SEMA3C: variants seen among roughly 807,000 people sequenced by gnomAD.
SEMA3C encodes the protein semaphorin-3C.
A neutral mutation model predicts 89.4 loss-of-function variants in SEMA3C; 47 were observed. The ratio of observed to expected loss-of-function variants is 0.53; its 90% confidence interval spans 0.42 to 0.67. The LOEUF (loss-of-function observed/expected upper bound fraction) is 0.67. Ranked by LOEUF, SEMA3C falls within the 30% of genes least tolerant of loss-of-function variation. The pLI is 0.00. For missense variants in SEMA3C, 839 were observed against 929.1 expected, an observed-to-expected ratio of 0.90 and a Z score of 1.26; for synonymous variants, 310 against 320.2, an observed-to-expected ratio of 0.97 and a Z score of 0.34.
intron 2 of SEMA3C, among the ~76,000 whole-genome samples, chr7:80,837,715 T>C (rs577092675): frequency 7.9e-4 from 121 of 152,212 alleles, no homozygotes; most frequent in Non-Finnish European, 1.4e-3. Flanking sequence ...TGACCAATAG[T>C]TTTGATGTAA....
chr7:80,781,590 T>G (rs1314452267), intron 12 of SEMA3C, among the ~76,000 whole-genome samples: 4 of 152,166 alleles, frequency 2.6e-5, no homozygotes, highest in African/African-American at 4.8e-5. Context: ...GATATTCACA[T>G]AGGGAAGGCC....
rs563351873 is a variant in SEMA3C at position 80,832,594 on chromosome 7, T to C, written c.104-3849A>G. Among the ~76,000 whole-genome samples, 105 of 152,092 alleles carry C rather than the reference T, an allele frequency of 6.9e-4. 1 individual carries two copies. Among genetic ancestry groups the C allele is most frequent in the African/African-American group, 2.4e-3 (98 of 41,370 alleles). On this transcript the variant is annotated intron_variant, in intron 2 of 17. Transcript: ENST00000265361. ...CTGCACGGCTACTGAAAAAGGCTTA[T>C]TGAGTCTTAAAAACTGGCACACACA...
intron 2 of SEMA3C, among the ~76,000 whole-genome samples, chr7:80,895,950 C>T (rs1583988254): frequency 1.3e-5 from 2 of 152,046 alleles, no homozygotes; most frequent in African/African-American, 2.4e-5. Flanking sequence ...TTTGTAGTTG[C>T]TCCTTAATTT....
At chr7:80,764,616 G>C (rs1417330078) in intron 13 of SEMA3C, among the ~76,000 whole-genome samples, 1 of 151,778 alleles carries the variant, frequency 6.6e-6, no homozygotes, top group East Asian at 1.9e-4. Flanking sequence ...AGGACAAGGA[G>C]AATAATACAA....
Position 80,773,433 on chromosome 7 carries a change from A to G in SEMA3C, c.1355-8190T>C, listed in dbSNP as rs1158417224. On this transcript the variant is annotated intron_variant, in intron 12 of 17. Coordinates refer to ENST00000265361, the MANE Select transcript of SEMA3C (RefSeq NM_006379.5). ...TAATCAGGAAAATCTTCTGGAGGGC[A>G]ATATGACCATTAACCATGATGGAGT... Among the ~76,000 whole-genome samples, 5 of 152,226 alleles carry G rather than the reference A, an allele frequency of 3.3e-5. No homozygotes were observed. The East Asian group carries it at 9.6e-4, about 29-fold the overall frequency.
chr7:80,766,506 G>A (rs1583857864), intron 12 of SEMA3C, among the ~76,000 whole-genome samples: 1 of 152,324 alleles, frequency 6.6e-6, no homozygotes, highest in East Asian at 1.9e-4. Context: ...ACCCCAAATA[G>A]AGGGTATTTA....
chr7:80,768,011 C>T (rs1788342080), intron 12 of SEMA3C, among the ~76,000 whole-genome samples: 1 of 152,158 alleles, frequency 6.6e-6, no homozygotes, highest in Admixed American at 6.5e-5. Context: ...AAGAGCAAGA[C>T]AGAGTTTGCC....
chr7:80,823,033 C>T lies in SEMA3C; in HGVS notation c.327+4392G>A, dbSNP rs143933660. On this transcript the variant is annotated intron_variant, in intron 4 of 17. Transcript: ENST00000265361. ...ATTCTCTTTCAAAATGATTTCCTGGCACAATGTTAGTGAAATATAAAGCTG... is the reference window on the plus strand; with the variant it reads ...ATTCTCTTTCAAAATGATTTCCTGGTACAATGTTAGTGAAATATAAAGCTG... 5.3e-3 allele frequency among the ~76,000 whole-genome samples: 800 copies of T among 152,160 alleles called. 8 individuals carry two copies. Among genetic ancestry groups the T allele is most frequent in the African/African-American group, 0.018 (751 of 41,520 alleles).
chr7:80,746,334 G>A (rs987859573), intron 17 of SEMA3C, among the ~76,000 whole-genome samples: 2 of 152,016 alleles, frequency 1.3e-5, no homozygotes, highest in Admixed American at 6.6e-5. Context: ...AGAAAAGAGA[G>A]AATCACTTGG....
chr7:80,786,402 A>G (rs1788802820), intron 12 of SEMA3C, among the ~76,000 whole-genome samples: 1 of 152,038 alleles, frequency 6.6e-6, no homozygotes, highest in Admixed American at 6.5e-5. Context: ...TCATGAAAAA[A>G]AAAAAAACCA....
chr7:80,770,687 C>T (rs898954297), intron 12 of SEMA3C, among the ~76,000 whole-genome samples: 4 of 152,226 alleles, frequency 2.6e-5, no homozygotes, highest in Admixed American at 2.6e-4. Context: ...GAATGGTTTA[C>T]CTCTCTTCCG....
intron 11 of SEMA3C, among the ~76,000 whole-genome samples, chr7:80,792,888 A>G (rs1788977348): frequency 6.6e-6 from 1 of 152,210 alleles, no homozygotes; most frequent in Non-Finnish European, 1.5e-5. Context: ...GTCTGCACTG[A>G]GTTTGCTCAG....
rs761848690 is a variant in SEMA3C, at chr7:80,828,553, G to C, written c.264+32C>G. ...TTTAAAAAAGAGACATTGAAAAGGT[G>C]GACACTGTCCTCGTGAAAGTGATAA... On this transcript the variant is annotated intron_variant, in intron 3 of 17. Transcript: ENST00000265361. 4.5e-6 allele frequency: 7 copies of C among 1,542,818 alleles called. No homozygotes were observed. In the Middle Eastern group the frequency reaches 7.0e-4, roughly 155 times the overall value.
chr7:80,809,012 G>A (rs751827797), intron 6 of SEMA3C, among the ~76,000 whole-genome samples: 22 of 152,126 alleles, frequency 1.4e-4, no homozygotes, highest in Non-Finnish European at 2.9e-4. Flanking sequence ...TCCAGCCTTC[G>A]GTGATTCACC....
At chr7:80,825,278 C>T (rs563220040) in intron 4 of SEMA3C, among the ~76,000 whole-genome samples, 1 of 152,128 alleles carries the variant, frequency 6.6e-6, no homozygotes, top group East Asian at 1.9e-4. Flanking sequence ...TTGCACAGAC[C>T]AAACATGTAT....
At chr7:80,808,931 C>T (rs1405837684) in intron 6 of SEMA3C, among the ~76,000 whole-genome samples, 6 of 152,036 alleles carry the variant, frequency 3.9e-5, no homozygotes, top group African/African-American at 4.8e-5. Context: ...CACGCCACCA[C>T]GCCCGGCTCA....
At chr7:80,807,295 A>T (rs1324785291) in intron 6 of SEMA3C, among the ~76,000 whole-genome samples, 2 of 152,136 alleles carry the variant, frequency 1.3e-5, no homozygotes, top group Non-Finnish European at 2.9e-5. Flanking sequence ...GCAGAAAAAG[A>T]AAAAAAGATA....
At position 80,758,427 on chromosome 7, in the gene SEMA3C, A is replaced by G. The variant is rs1410669081; in HGVS notation, c.1547T>C (p.Ile516Thr). 1.2e-6 allele frequency: 2 copies of G among 1,614,070 alleles called. No individual in the cohort carries two copies. Among genetic ancestry groups the G allele is most frequent in the South Asian group, 1.1e-5 (1 of 91,066 alleles). Residue 516 changes from isoleucine (I) to threonine (T), a missense_variant, in exon 15 of 18, where the codon ATC (isoleucine) becomes ACC (threonine). Ile to Thr is a moderately conservative substitution (Grantham distance 89, BLOSUM62 -1). Coordinates refer to ENST00000265361, the MANE Select transcript of SEMA3C (RefSeq NM_006379.5). Reference sequence around the variant, plus strand: ...GCAGTCAGCACAGGCTGTACCATAGATGTGGCAGCGGTGCAGAGATACCTG... The same window carrying G: ...GCAGTCAGCACAGGCTGTACCATAGGTGTGGCAGCGGTGCAGAGATACCTG... Reference protein sequence around the residue: ...VSQVSLHRCHIYGTACADCCL... With the variant: ...VSQVSLHRCHTYGTACADCCL...
chr7:80,793,875 G>A (rs1239168616), intron 11 of SEMA3C, among the ~76,000 whole-genome samples: 1 of 120,980 alleles, frequency 8.3e-6, no homozygotes, highest in African/African-American at 2.8e-5. Flanking sequence ...TAACACGTGG[G>A]GGATGAGTGG....
Sources: gnomAD v4.1 joint callset for allele counts (sites outside exome capture counted in the v4.1 genomes callset) on GRCh38, gnomAD v4.1.1 for gene constraint, MANE v1.5 for transcripts, NCBI Gene and HGNC (gene_info 2026-07-23, HGNC 2026-07-21) for gene names.